Variants in DAB1 observed in about 807,000 individuals in gnomAD.
DAB1 encodes DAB adaptor protein 1.
A neutral mutation model predicts 64.6 loss-of-function variants in DAB1; 15 were observed. The observed-to-expected ratio is 0.23, with a 90% confidence interval of 0.16 to 0.36. DAB1 has a LOEUF of 0.36. DAB1 is among the 10% of genes least tolerant of loss of function. The pLI is 1.00. For missense variants in DAB1, 596 were observed against 706.7 expected, an observed-to-expected ratio of 0.84 and a Z score of 1.78; for synonymous variants, 235 against 251.9, an observed-to-expected ratio of 0.93 and a Z score of 0.64.
chr1:58,073,934 T>C (rs1641194707), intron 5 of DAB1, among the ~76,000 whole-genome samples: 4 of 152,172 alleles, frequency 2.6e-5, no homozygotes, highest in Admixed American at 2.6e-4. Context: ...TCCTCAGCTA[T>C]CTTAAGTCCT....
chr1:58,005,806 G>C (rs557612713), intron 5 of DAB1, among the ~76,000 whole-genome samples: 3 of 152,160 alleles, frequency 2.0e-5, no homozygotes, highest in African/African-American at 7.2e-5. Context: ...TTGAGGCAAG[G>C]CTTTGTGCTA....
At chr1:58,007,284 A>G (rs905595466) in intron 5 of DAB1, among the ~76,000 whole-genome samples, 1 of 152,192 alleles carries the variant, frequency 6.6e-6, no homozygotes, top group Non-Finnish European at 1.5e-5. Flanking sequence ...AAGAAAACCA[A>G]TTTAGTTTGA....
intron 2 of DAB1, among the ~76,000 whole-genome samples, chr1:57,158,427 C>T (rs1382113222): frequency 6.6e-6 from 1 of 152,266 alleles, no homozygotes; most frequent in South Asian, 2.1e-4. Flanking sequence ...CTCCCTCCTT[C>T]TGCATATCTA....
At chr1:58,258,708 T>C (rs1351989084) in intron 4 of DAB1, among the ~76,000 whole-genome samples, 1 of 152,206 alleles carries the variant, frequency 6.6e-6, no homozygotes, top group Non-Finnish European at 1.5e-5. Flanking sequence ...TCAAACACAT[T>C]CAACACTGAC....
At chr1:57,374,048 G>A (rs549881560) in intron 1 of DAB1, among the ~76,000 whole-genome samples, 5 of 152,078 alleles carry the variant, frequency 3.3e-5, no homozygotes, top group Non-Finnish European at 2.9e-5. Context: ...AAATCCATGG[G>A]GACAGGTCCC....
intron 6 of DAB1, among the ~76,000 whole-genome samples, chr1:57,777,082 G>C (rs1255504195): frequency 7.1e-6 from 1 of 140,980 alleles, no homozygotes; most frequent in Non-Finnish European, 1.5e-5. Context: ...AGGATACTAG[G>C]TTGACAGCTT....
chr1:57,790,738 A>C (rs1183395702), intron 6 of DAB1, among the ~76,000 whole-genome samples: 1 of 152,194 alleles, frequency 6.6e-6, no homozygotes, highest in Non-Finnish European at 1.5e-5. Context: ...ATCTATCGCT[A>C]AAGAATGAGA....
At position 57,062,890 on chromosome 1, in the gene DAB1, A is replaced by G; in HGVS notation, c.717T>C (p.Pro239=). ...GGAGAGGAGATGTACTTACACTTAC[A>G]GGTTGACTTTTTGGCACATCATAAA... ...EGVYDVPKSQ[P]VSAVTQLELF... Residue 239 remains proline, a synonymous_variant, in exon 9 of 15, where the codon CCT becomes CCC. Coordinates refer to ENST00000371236, the MANE Select transcript of DAB1 (RefSeq NM_001365792.1). The G allele has an allele frequency of 3.1e-6, 5 of 1,613,910 alleles. No individual in the cohort carries two copies. The highest frequency in any genetic ancestry group is 4.2e-6 in the Non-Finnish European group (5 of 1,179,762).
intron 6 of DAB1, among the ~76,000 whole-genome samples, chr1:57,778,526 C>G (rs896085786): frequency 6.6e-6 from 1 of 151,894 alleles, no homozygotes; most frequent in South Asian, 2.1e-4. Flanking sequence ...TAAATTTTTT[C>G]CCAGTTTTCT....
intron 1 of DAB1, among the ~76,000 whole-genome samples, chr1:57,411,330 A>G (rs1288102091): frequency 1.3e-5 from 2 of 152,248 alleles, no homozygotes; most frequent in Admixed American, 6.5e-5. Flanking sequence ...ACCTGGACTC[A>G]TCTTTCTATT....
intron 2 of DAB1, among the ~76,000 whole-genome samples, chr1:57,166,333 T>C (rs1018308334): frequency 6.6e-6 from 1 of 151,982 alleles, no homozygotes. Flanking sequence ...TTGCAAAGAA[T>C]TGAAAAACAA....
At position 57,100,921 on chromosome 1, in the gene DAB1, C is replaced by T. The variant is rs556914294; in HGVS notation, c.307-28507G>A. 2.6e-5 allele frequency among the ~76,000 whole-genome samples: 4 copies of T among 152,234 alleles called. No individual in the cohort carries two copies. The East Asian group carries it at 5.8e-4, about 22-fold the overall frequency. ...ATAATAATATTAAATATTTTTTAGC[C>T]TTTATCATATGCCAGACATGGTTTA... On this transcript the variant is annotated intron_variant, in intron 4 of 14. Coordinates refer to ENST00000371236, the MANE Select transcript of DAB1 (RefSeq NM_001365792.1).
At chr1:58,261,227 C>T (rs879457541) in intron 4 of DAB1, among the ~76,000 whole-genome samples, 10 of 152,080 alleles carry the variant, frequency 6.6e-5, no homozygotes, top group Admixed American at 1.3e-4. Flanking sequence ...AGCATTTTTC[C>T]CTGCCTAGGT....
intron 2 of DAB1, among the ~76,000 whole-genome samples, chr1:57,203,915 A>T (rs1362314903): frequency 6.6e-6 from 1 of 152,104 alleles, no homozygotes; most frequent in Non-Finnish European, 1.5e-5. Flanking sequence ...TTTGAGACAG[A>T]GTCTTACTAT....
chr1:57,672,896 G>T (rs1331749101), intron 6 of DAB1, among the ~76,000 whole-genome samples: 1 of 152,166 alleles, frequency 6.6e-6, no homozygotes, highest in Non-Finnish European at 1.5e-5. Flanking sequence ...AGTTGGCAAA[G>T]ATGTGAAGAC....
chr1:57,091,184 T>C (rs924015112), intron 4 of DAB1, among the ~76,000 whole-genome samples: 1 of 152,136 alleles, frequency 6.6e-6, no homozygotes, highest in Non-Finnish European at 1.5e-5. Context: ...GTGGAAAAAC[T>C]GTTTTCCATG....
intron 3 of DAB1, among the ~76,000 whole-genome samples, chr1:58,371,265 T>A (rs550638186): frequency 2.9e-4 from 44 of 152,312 alleles, no homozygotes; most frequent in African/African-American, 1.0e-3. Context: ...GAAAAGAGAC[T>A]GGCAGCAGTT....
chr1:57,802,907 G>T (rs143160399), intron 6 of DAB1, among the ~76,000 whole-genome samples: 1 of 152,152 alleles, frequency 6.6e-6, no homozygotes, highest in African/African-American at 2.4e-5. Context: ...TGGTTGTCCT[G>T]CATCTGGCCT....
chr1:58,010,342 A>G (rs901440247), intron 5 of DAB1, among the ~76,000 whole-genome samples: 1 of 152,200 alleles, frequency 6.6e-6, no homozygotes, highest in Non-Finnish European at 1.5e-5. Context: ...AAACATATAC[A>G]TACATCTGAT....
Sources: allele counts gnomAD v4.1 joint callset (sites outside exome capture counted in the v4.1 genomes callset), GRCh38; gene constraint gnomAD v4.1.1; transcripts MANE v1.5; gene names NCBI Gene and HGNC (gene_info 2026-07-23, HGNC 2026-07-21).